MED15: variants seen among roughly 807,000 people sequenced by gnomAD.
The protein encoded by MED15 is mediator complex subunit 15, also known as mediator of RNA polymerase II transcription subunit 15.
A neutral mutation model predicts 118.7 loss-of-function variants in MED15; 41 were observed. The observed-to-expected ratio is 0.35, with a 90% CI of 0.27 to 0.45. The LOEUF is 0.45. Ranked by LOEUF, MED15 falls within the 20% of genes least tolerant of loss-of-function variation. MED15 has a pLI of 1.00. For synonymous variants in MED15, 436 were observed against 413.9 expected, an observed-to-expected ratio of 1.05 and a Z score of -0.65; for missense variants, 740 against 1,025.5, an observed-to-expected ratio of 0.72 and a Z score of 3.80.
At chr22:20,562,990 G>A (rs1240900787) in intron 5 of MED15, among the ~76,000 whole-genome samples, 1 of 151,794 alleles carries the variant, frequency 6.6e-6, no homozygotes, top group African/African-American at 2.4e-5. Context: ...GAGCCACGAT[G>A]GTACCACTTC....
chr22:20,519,560 T>C (rs982057964), intron 1 of MED15, among the ~76,000 whole-genome samples: 1 of 152,022 alleles, frequency 6.6e-6, no homozygotes, highest in African/African-American at 2.4e-5. Flanking sequence ...GTTCAAGTGA[T>C]TCTTGTGCCT....
At position 20,586,647 on chromosome 22, in the gene MED15, C is replaced by T. The variant is rs200234506; in HGVS notation, c.2310C>T (p.Thr770=). 1.4e-4 allele frequency: 222 copies of T among 1,613,008 alleles called. No homozygotes were observed. In the Admixed American group the frequency reaches 1.8e-3, roughly 13 times the overall value. The part of the protein sequence containing the change: ...LLQLPDKHSV[T]ALLNTWAQSV... ...AGCTCCCGGACAAGCACTCGGTCAC[C>T]GCCTTGCTCAACACCTGGGCCCAGA... Residue 770 remains threonine (T), a synonymous_variant, in exon 18 of 18, where the codon ACC becomes ACT. Transcript: ENST00000263205.
intron 1 of MED15, among the ~76,000 whole-genome samples, chr22:20,511,722 C>T (rs1286518306): frequency 6.6e-6 from 1 of 152,014 alleles, no homozygotes; most frequent in Non-Finnish European, 1.5e-5. Context: ...CCACTGCCTC[C>T]ACCTCATCTG....
chr22:20,545,189 C>T (rs1373360125), intron 2 of MED15, among the ~76,000 whole-genome samples: 2 of 151,954 alleles, frequency 1.3e-5, no homozygotes, highest in East Asian at 3.9e-4. Context: ...AGATGATGTT[C>T]TAAAATTAGG....
At chr22:20,571,374 G>A (rs1384832737) in intron 8 of MED15, among the ~76,000 whole-genome samples, 5 of 152,242 alleles carry the variant, frequency 3.3e-5, no homozygotes, top group Non-Finnish European at 5.9e-5. Context: ...ACTGTGGTTC[G>A]TTGCTGAGTG....
At chr22:20,531,602 C>T (rs1434494038) in intron 1 of MED15, among the ~76,000 whole-genome samples, 3 of 152,246 alleles carry the variant, frequency 2.0e-5, no homozygotes, top group Non-Finnish European at 4.4e-5. Flanking sequence ...TGTTTGAGGC[C>T]TGGATTCCCC....
intron 1 of MED15, among the ~76,000 whole-genome samples, chr22:20,519,442 T>G (rs971630601): frequency 1.5e-4 from 23 of 151,712 alleles, no homozygotes; most frequent in African/African-American, 5.3e-4. Flanking sequence ...AGGGTGTTTT[T>G]TTTTTTTTTT....
intron 1 of MED15, among the ~76,000 whole-genome samples, chr22:20,520,689 T>C (rs187343948): frequency 4.0e-4 from 61 of 152,336 alleles, no homozygotes; most frequent in African/African-American, 1.5e-3. Context: ...ACCACTCTTC[T>C]GACTTCCATG....
intron 1 of MED15, among the ~76,000 whole-genome samples, chr22:20,513,039 C>T (rs904039945): frequency 1.3e-4 from 20 of 151,872 alleles, no homozygotes; most frequent in African/African-American, 4.4e-4. Flanking sequence ...CACGCCCGGC[C>T]GGGTCACCTC....
chr22:20,558,359 C>CAGGG (rs1438094847), intron 5 of MED15, among the ~76,000 whole-genome samples: 4 of 152,020 alleles, frequency 2.6e-5, no homozygotes, highest in Non-Finnish European at 2.9e-5. Context: ...GCCAGGGACT[C>CAGGG]TCAAAGGGTA....
intron 5 of MED15, among the ~76,000 whole-genome samples, chr22:20,555,931 C>A (rs953999391): frequency 2.0e-5 from 3 of 152,206 alleles, no homozygotes; most frequent in African/African-American, 7.2e-5. Context: ...CCATGTTGCC[C>A]AGGCTTATCT....
chr22:20,550,649 A>G (rs2055731455), intron 2 of MED15, among the ~76,000 whole-genome samples: 1 of 152,276 alleles, frequency 6.6e-6, no homozygotes, highest in Non-Finnish European at 1.5e-5. Context: ...GCAGAAGACA[A>G]GGATGCTTCT....
intron 1 of MED15, among the ~76,000 whole-genome samples, chr22:20,530,774 G>C (rs149880255): frequency 7.2e-5 from 11 of 152,264 alleles, no homozygotes; most frequent in South Asian, 2.1e-4. Flanking sequence ...GGGCGGTGGA[G>C]CTGGCCTCAG....
At chr22:20,535,495 A>G (rs750557688) in intron 1 of MED15, among the ~76,000 whole-genome samples, 1 of 151,680 alleles carries the variant, frequency 6.6e-6, no homozygotes, top group East Asian at 1.9e-4. Context: ...GGCCTATTCA[A>G]TTCACTCAGA....
chr22:20,510,410 A>G (rs2054023318), intron 1 of MED15, among the ~76,000 whole-genome samples: 1 of 152,104 alleles, frequency 6.6e-6, no homozygotes, highest in South Asian at 2.1e-4. Flanking sequence ...AAAAACACAC[A>G]TTTATCATTT....
chr22:20,538,449 T>C (rs1443809445), intron 2 of MED15, among the ~76,000 whole-genome samples: 4 of 152,102 alleles, frequency 2.6e-5, no homozygotes, highest in South Asian at 4.1e-4. Flanking sequence ...GAGGTCCCAC[T>C]ATGTTGCCCA....
chr22:20,516,265 A>G (rs1309502295), intron 1 of MED15, among the ~76,000 whole-genome samples: 1 of 151,898 alleles, frequency 6.6e-6, no homozygotes, highest in Non-Finnish European at 1.5e-5. Context: ...GTGAGCCGAG[A>G]TCACGCCATT....
chr22:20,523,995 C>A, intron 1 of MED15: 1 of 251,166 alleles, frequency 4.0e-6, no homozygotes, highest in Non-Finnish European at 6.3e-6. Context: ...TTTCATTCTG[C>A]AGGACCAAAA....
At chr22:20,519,437 GTT>G (rs367839665) in intron 1 of MED15, among the ~76,000 whole-genome samples, 1 of 140,100 alleles carries the variant, frequency 7.1e-6, no homozygotes, top group Non-Finnish European at 1.6e-5. Context: ...TTTTGAGGGT[GTT>G]TTTTTTTTTT....
Sources: gnomAD v4.1 joint callset for allele counts (sites outside exome capture counted in the v4.1 genomes callset) on GRCh38, gnomAD v4.1.1 for gene constraint, MANE v1.5 for transcripts, NCBI Gene and HGNC (gene_info 2026-07-23, HGNC 2026-07-21) for gene names.